Variants in DNAH2 observed in about 807,000 individuals in gnomAD.
The protein encoded by DNAH2 is axonemal beta dynein heavy chain 2.
A neutral mutation model predicts 523.5 loss-of-function variants in DNAH2; 323 were observed. The ratio of observed to expected loss-of-function variants is 0.62; its 90% CI spans 0.56 to 0.68. DNAH2 has a LOEUF of 0.68. Among genes scored for constraint, DNAH2 ranks in the 30% least tolerant of loss-of-function variants. The pLI is 0.00. For missense variants in DNAH2, 4,907 were observed against 5,701.5 expected, an observed-to-expected ratio of 0.86 and a Z score of 4.49; for synonymous variants, 2,093 against 2,177.4, an observed-to-expected ratio of 0.96 and a Z score of 1.08.
chr17:7,720,311 C>G (rs920232079), intron 2 of DNAH2, among the ~76,000 whole-genome samples: 2 of 152,130 alleles, frequency 1.3e-5, no homozygotes, highest in Non-Finnish European at 2.9e-5. Flanking sequence ...GGAGACTCAG[C>G]CTGTTTTGCC....
At chr17:7,773,918 T>C (rs1463784915) in intron 28 of DNAH2, among the ~76,000 whole-genome samples, 4 of 151,896 alleles carry the variant, frequency 2.6e-5, no homozygotes, top group African/African-American at 9.7e-5. Context: ...TTAGTAGAGA[T>C]GGGATTTTAC....
chr17:7,722,893 A>G (rs2074661182), intron 2 of DNAH2, among the ~76,000 whole-genome samples: 1 of 150,902 alleles, frequency 6.6e-6, no homozygotes, highest in South Asian at 2.1e-4. Flanking sequence ...GTCTCTACCT[A>G]GAAGTGGAAT....
In DNAH2 at chr17:7,832,760, G is replaced by T; in HGVS notation, c.12903+5G>T. 1 of 1,614,094 alleles carries T rather than the reference G, an allele frequency of 6.2e-7. No individual in the cohort carries two copies. Among genetic ancestry groups the T allele is most frequent in the Non-Finnish European group, 8.5e-7 (1 of 1,180,036 alleles). On this transcript the variant is annotated splice_donor_5th_base_variant and intron_variant, in intron 83 of 85. Transcript: ENST00000572933. The surrounding 1 kb of genome is among the most constrained non-coding windows in gnomAD (Gnocchi z 4.3). ...TCTTCAGCTCGCCAAAACAACGTGA[G>T]CAATGTGCAAAGTGTGAGGGGGGGA...
Position 7,794,321 on chromosome 17 carries a change from G to A in DNAH2, c.7637G>A (p.Arg2546Gln), listed in dbSNP as rs746227639. ...GGRTVISPRLRSRFNIINMTF... is the reference protein window; with the variant it reads ...GGRTVISPRLQSRFNIINMTF... ...CGGACTGTCATCTCCCCAAGGCTAC[G>A]GAGTCGCTTCAACATTATCAACATG... The change falls in exon 49 of 86, where the codon CGG (arginine) becomes CAG (glutamine). Residue 2546 changes from arginine (R) to glutamine (Q), a missense_variant. By Grantham distance (43) the Arg-to-Gln change is conservative. Around this residue, in one of 3 missense-constraint regions of DNAH2, gnomAD observed 250 missense variants for 371.3 expected, o/e 0.67. Coordinates refer to ENST00000572933, the MANE Select transcript of DNAH2 (RefSeq NM_020877.5). The A allele has an allele frequency of 9.9e-6, 16 of 1,609,984 alleles. No individual in the cohort carries two copies. The highest frequency in any genetic ancestry group is 8.0e-5 in the African/African-American group (6 of 74,658).
In DNAH2 at chr17:7,733,543, T is replaced by C. The variant is rs1336025405; in HGVS notation, c.628+228T>C. Among the ~76,000 whole-genome samples, 3 of 148,864 alleles carry C rather than the reference T, an allele frequency of 2.0e-5. No homozygotes were observed. In the Admixed American group the frequency reaches 2.0e-4, roughly 10 times the overall value. On this transcript the variant is annotated intron_variant, in intron 5 of 85. Coordinates refer to ENST00000572933, the MANE Select transcript of DNAH2 (RefSeq NM_020877.5). ...CCCAGGCTGGAGTGCAATGGCGCGA[T>C]CTTGGCTCACTGCAACCTCTGCCTC...
chr17:7,766,831 A>G (rs1285666101), intron 22 of DNAH2, among the ~76,000 whole-genome samples: 1 of 151,440 alleles, frequency 6.6e-6, no homozygotes, highest in Non-Finnish European at 1.5e-5. Context: ...TATTTTTAGT[A>G]TAGAGATGGG....
At chr17:7,737,560 T>A (rs2075177523) in intron 8 of DNAH2, among the ~76,000 whole-genome samples, 1 of 152,174 alleles carries the variant, frequency 6.6e-6, no homozygotes, top group Non-Finnish European at 1.5e-5. Flanking sequence ...CAAGCTGAGC[T>A]GTGTGGAAGG....
intron 28 of DNAH2, among the ~76,000 whole-genome samples, chr17:7,772,245 A>G (rs1430635523): frequency 1.3e-5 from 2 of 152,120 alleles, no homozygotes; most frequent in African/African-American, 4.8e-5. Flanking sequence ...TATTTTACCT[A>G]GGGCTAGTCT....
intron 3 of DNAH2, among the ~76,000 whole-genome samples, chr17:7,724,238 A>G (rs2074720919): frequency 6.6e-6 from 1 of 152,192 alleles, no homozygotes; most frequent in Non-Finnish European, 1.5e-5. Flanking sequence ...AGTAATAACT[A>G]TCGAAGAAAA....
In DNAH2 at chr17:7,798,825, CACCCCCACTGCCCA is replaced by C; in HGVS notation, c.8559+108_8559+121del. The C allele has an allele frequency of 3.9e-6, 4 of 1,022,216 alleles. No individual in the cohort carries two copies. Among genetic ancestry groups the C allele is most frequent in the Non-Finnish European group, 5.6e-6 (4 of 710,362 alleles). The allele number at this position is 1,022,216 out of a possible 1,614,324, so 63.3% of individuals were successfully genotyped here. On this transcript the variant is annotated intron_variant, in intron 55 of 85. Coordinates refer to ENST00000572933, the MANE Select transcript of DNAH2 (RefSeq NM_020877.5). This position sits in a 1 kb window ranked among gnomAD's most constrained non-coding sequence, Gnocchi z 5.5. ...TGCCACTGGCACACCCCCACTGCCA[CACCCCCACTGCCCA>C]CCTCAGCCCTGTAAGGTGGAAGGTC...
rs1217213842 is a variant in DNAH2 at position 7,833,722 on chromosome 17, G to A, written c.*189G>A. The A allele has an allele frequency of 8.8e-6, 7 of 791,500 alleles. No homozygotes were observed. Among genetic ancestry groups the A allele is most frequent in the Non-Finnish European group, 2.1e-6 (1 of 469,914 alleles). The allele number at this position is 791,500 out of a possible 1,614,324, so 49.0% of individuals were successfully genotyped here. The stretch of plus-strand genomic sequence containing the variant: ...AAGAGTTGTATTGGAGCTCAGTGCT[G>A]TAAAACACCCGCGACAACAAGCCTT... On this transcript the variant is annotated 3_prime_UTR_variant, in exon 86 of 86. Transcript: ENST00000572933.
Position 7,798,583 on chromosome 17 carries a change from T to G in DNAH2, c.8424T>G (p.Ala2808=), listed in dbSNP as rs771157858. ...RDDIKRLYRQ[A]GVELKTTSFI... is the part of the protein sequence containing the mutation. ...ATATCAAGCGTCTGTATCGCCAGGCTGGGGTGGAGCTCAAGACCACGTCCT... is the reference window on the plus strand; with the variant it reads ...ATATCAAGCGTCTGTATCGCCAGGCGGGGGTGGAGCTCAAGACCACGTCCT... The change falls in exon 55 of 86, where the codon GCT becomes GCG. Residue 2808 remains alanine, a synonymous_variant. Transcript: ENST00000572933. The surrounding 1 kb of genome is among the most constrained non-coding windows in gnomAD (Gnocchi z 5.5). 3 of 1,614,026 alleles carry G rather than the reference T, an allele frequency of 1.9e-6. No homozygotes were observed. The Admixed American group carries it at 5.0e-5, about 27-fold the overall frequency.
chr17:7,787,221 G>C (rs2076764421), intron 42 of DNAH2, 188 bp downstream of exon 42: 1 of 756,300 alleles, frequency 1.3e-6, no homozygotes, highest in Non-Finnish European at 2.1e-6. Context: ...CGGCTGTTGA[G>C]AACAATGATA....
intron 18 of DNAH2, 59 bp from the exon 19 acceptor site, chr17:7,763,772 G>A: frequency 6.2e-7 from 1 of 1,600,116 alleles, no homozygotes; most frequent in South Asian, 1.1e-5. Flanking sequence ...CCCGTGTGGG[G>A]ACAGAGGGTA....
Position 7,823,513 on chromosome 17 carries a change from C to T in DNAH2, c.11214C>T (p.Ile3738=). ...SWLADAYWDN[I]TELDKLTNFH... is the part of the protein sequence containing the mutation. ...TTGCAGATGCCTACTGGGATAACAT[C>T]ACAGAGCTAGACAAACTGACCAACT... is the stretch of plus-strand genomic sequence containing the variant. Residue 3738 remains isoleucine (I), a synonymous_variant, in exon 74 of 86, where the codon ATC becomes ATT. Coordinates refer to ENST00000572933, the MANE Select transcript of DNAH2 (RefSeq NM_020877.5). The T allele has an allele frequency of 6.2e-7, 1 of 1,614,142 alleles. No homozygotes were observed. Among genetic ancestry groups the T allele is most frequent in the South Asian group, 1.1e-5 (1 of 91,078 alleles).
In DNAH2 at chr17:7,739,739, G is replaced by A. The variant is rs150193390; in HGVS notation, c.1177G>A (p.Asp393Asn). The A allele has an allele frequency of 4.0e-5, 64 of 1,612,320 alleles. No homozygotes were observed. The African/African-American group carries it at 6.1e-4, about 15-fold the overall frequency. Residue 393 changes from aspartate to asparagine, a missense_variant, in exon 9 of 86, where the codon GAC (aspartate) becomes AAC (asparagine). Coordinates refer to ENST00000572933, the MANE Select transcript of DNAH2 (RefSeq NM_020877.5). ...ATGCTGTCTTCTTTTTTAGGTATGTGACTGTCAGTATCACTTCGCCCGCTG... is the reference window on the plus strand; with the variant it reads ...ATGCTGTCTTCTTTTTTAGGTATGTAACTGTCAGTATCACTTCGCCCGCTG... Reference protein sequence around the residue: ...RLTSLFRKVCDCQYHFARWED... With the variant: ...RLTSLFRKVCNCQYHFARWED...
At position 7,793,077 on chromosome 17, in the gene DNAH2, T is replaced by G. The variant is rs2151275167; in HGVS notation, c.7441T>G (p.Phe2481Val). 1 of 1,614,200 alleles carries G rather than the reference T, an allele frequency of 6.2e-7. No homozygotes were observed. Among genetic ancestry groups the G allele is most frequent in the South Asian group, 1.1e-5 (1 of 91,088 alleles). The change falls in exon 48 of 86, where the codon TTT (phenylalanine) becomes GTT (valine). Residue 2481 changes from phenylalanine (F) to valine (V), a missense_variant. This residue lies in a region of DNAH2 where 250 missense variants were observed against 371.3 expected (regional missense o/e 0.67). Coordinates refer to ENST00000572933, the MANE Select transcript of DNAH2 (RefSeq NM_020877.5). ...VPFGGKSMIT[F>V]MDDLNMPAKD... ...ATTCGGGGGCAAAAGCATGATCACC[T>G]TTATGGATGACCTAAATATGCCCGC...
At chr17:7,775,149 G>A in intron 29 of DNAH2, 92 bp from the exon 30 acceptor site, 1 of 1,323,628 alleles carries the variant, frequency 7.6e-7, no homozygotes, top group Non-Finnish European at 1.1e-6. Flanking sequence ...GGAGGGGAGA[G>A]GAGCAGTAAT....
rs562064427 is a variant in DNAH2 at position 7,758,430 on chromosome 17, C to T, written c.2052-65C>T. 250 of 1,544,808 alleles carry T rather than the reference C, an allele frequency of 1.6e-4. 1 individual carries two copies. In the African/African-American group the frequency reaches 2.4e-3, roughly 15 times the overall value. ...AAATGTTCACATTTCTCCACTGTTT[C>T]CTGAAGTGGAGGAAAGATCTTCAGG... On this transcript the variant is annotated intron_variant, in intron 13 of 85. Coordinates refer to ENST00000572933, the MANE Select transcript of DNAH2 (RefSeq NM_020877.5).
Sources: gnomAD v4.1 joint callset for allele counts (sites outside exome capture counted in the v4.1 genomes callset) on GRCh38, gnomAD v4.1.1 for gene constraint, gnomAD v4.1.1 regional missense constraint, Gnocchi (gnomAD v3.1) non-coding constraint, MANE v1.5 for transcripts, NCBI Gene and HGNC (gene_info 2026-07-23, HGNC 2026-07-21) for gene names.